SIPA1L1: variants seen among roughly 807,000 people sequenced by gnomAD.
The protein encoded by SIPA1L1 is signal-induced proliferation-associated 1-like protein 1.
SIPA1L1 carries 26 observed loss-of-function variants against 162.7 expected under a neutral mutation model. That is an observed-to-expected ratio of 0.16 (90% CI 0.12 to 0.22). SIPA1L1 has a LOEUF of 0.22. SIPA1L1 is among the 10% of genes least tolerant of loss of function. The pLI, the probability that SIPA1L1 is intolerant of heterozygous loss-of-function variation, is 1.00. For missense variants in SIPA1L1, 1,874 were observed against 2,241.0 expected, an observed-to-expected ratio of 0.84 and a Z score of 3.31; for synonymous variants, 829 against 837.4, an observed-to-expected ratio of 0.99 and a Z score of 0.17.
chr14:71,441,696 C>T (rs956187865), intron 2 of SIPA1L1, among the ~76,000 whole-genome samples: 7 of 152,134 alleles, frequency 4.6e-5, no homozygotes, highest in Non-Finnish European at 8.8e-5. Flanking sequence ...TGTTCGTATA[C>T]AGTAACTACT....
chr14:71,321,584 TGGGAAATGGAGACGAACAGCTCG>T (rs1453804055), intron 2 of SIPA1L1: 29 of 152,304 alleles, frequency 1.9e-4, no homozygotes, highest in Non-Finnish European at 3.7e-4. Flanking sequence ...GGTTGAGTTG[TGGGAAATGGAGACGAACAGCTCG>T]GTGCCCGAGG....
At chr14:71,517,710 T>A (rs1179020401) in intron 3 of SIPA1L1, among the ~76,000 whole-genome samples, 1 of 152,224 alleles carries the variant, frequency 6.6e-6, no homozygotes, top group Non-Finnish European at 1.5e-5. Flanking sequence ...TTTTTAAATT[T>A]AGTCAAGCTA....
intron 2 of SIPA1L1, among the ~76,000 whole-genome samples, chr14:71,426,203 G>T (rs868619322): frequency 1.5e-4 from 23 of 152,050 alleles, no homozygotes; most frequent in African/African-American, 5.3e-4. Context: ...ACCATTCTCT[G>T]TCTTTTTTGA....
chr14:71,449,421 G>A (rs1480921162), intron 2 of SIPA1L1, among the ~76,000 whole-genome samples: 1 of 152,186 alleles, frequency 6.6e-6, no homozygotes, highest in Non-Finnish European at 1.5e-5. Flanking sequence ...TCTACCTGGT[G>A]AGTAATTTAC....
intron 2 of SIPA1L1, among the ~76,000 whole-genome samples, chr14:71,325,647 A>G (rs2033705017): frequency 6.6e-6 from 1 of 152,212 alleles, no homozygotes; most frequent in Non-Finnish European, 1.5e-5. Flanking sequence ...AGATGACACC[A>G]AAATGACATG....
intron 2 of SIPA1L1, among the ~76,000 whole-genome samples, chr14:71,436,400 A>G (rs1369417726): frequency 6.6e-6 from 1 of 152,164 alleles, no homozygotes; most frequent in African/African-American, 2.4e-5. Context: ...GTGGGGTTTT[A>G]TGTTTAAGAC....
chr14:71,556,504 C>T (rs1178896664), intron 4 of SIPA1L1, among the ~76,000 whole-genome samples: 1 of 152,200 alleles, frequency 6.6e-6, no homozygotes, highest in African/African-American at 2.4e-5. Context: ...TCTGACTGAC[C>T]AACTTTAAGT....
chr14:71,435,750 T>C (rs1267931767), intron 2 of SIPA1L1, among the ~76,000 whole-genome samples: 9 of 152,210 alleles, frequency 5.9e-5, no homozygotes, highest in Non-Finnish European at 1.3e-4. Context: ...GGAATCGCCA[T>C]GCTGTCCTCC....
chr14:71,450,481 A>G (rs2045732818), intron 2 of SIPA1L1, among the ~76,000 whole-genome samples: 1 of 152,232 alleles, frequency 6.6e-6, no homozygotes, highest in South Asian at 2.1e-4. Flanking sequence ...TAGTTAATGA[A>G]TAAAAAAGAC....
chr14:71,320,795 T>G (rs1430207143), intron 1 of SIPA1L1, among the ~76,000 whole-genome samples: 1 of 151,426 alleles, frequency 6.6e-6, no homozygotes, highest in Non-Finnish European at 1.5e-5. Context: ...CAGTTCTTTC[T>G]GCTGGCGGGC....
In SIPA1L1 at chr14:71,709,572, C is replaced by T; in HGVS notation, c.4116C>T (p.Ser1372=). ...ACCGGAAAACAGAGTCTTCCCTGAG[C>T]TTAGACATACACAGCAAGAGCCAAG... ...GLDRKTESSL[S]LDIHSKSQAG... is the part of the protein sequence containing the mutation. Residue 1372 remains serine (S), a synonymous_variant, in exon 17 of 24, where the codon AGC becomes AGT. Coordinates refer to ENST00000381232, the MANE Select transcript of SIPA1L1 (RefSeq NM_001386936.1). The T allele has an allele frequency of 6.2e-7, 1 of 1,614,172 alleles. No individual in the cohort carries two copies. The highest frequency in any genetic ancestry group is 8.5e-7 in the Non-Finnish European group (1 of 1,180,014).
chr14:71,332,479 C>T (rs1256110543), intron 2 of SIPA1L1, among the ~76,000 whole-genome samples: 1 of 152,076 alleles, frequency 6.6e-6, no homozygotes, highest in Non-Finnish European at 1.5e-5. Context: ...AAACAGTCAA[C>T]TGCATTTTGG....
chr14:71,365,724 TTAAG>T (rs1444633028), intron 2 of SIPA1L1, among the ~76,000 whole-genome samples: 11 of 152,004 alleles, frequency 7.2e-5, no homozygotes, highest in Admixed American at 6.5e-5. Flanking sequence ...GGCAAGGCTA[TTAAG>T]TATTTTTTTT....
chr14:71,580,210 G>C (rs947721999), intron 4 of SIPA1L1, among the ~76,000 whole-genome samples: 3 of 152,190 alleles, frequency 2.0e-5, no homozygotes, highest in African/African-American at 7.2e-5. Flanking sequence ...TTGAGCCACT[G>C]ATACCACGTA....
At chr14:71,632,988 A>T (rs1208175818) in intron 7 of SIPA1L1, among the ~76,000 whole-genome samples, 2 of 152,152 alleles carry the variant, frequency 1.3e-5, no homozygotes, top group Non-Finnish European at 1.5e-5. Context: ...GGAAAATCTC[A>T]ACTTAAGGGA....
At chr14:71,431,359 A>T (rs1213885841) in intron 2 of SIPA1L1, among the ~76,000 whole-genome samples, 1 of 152,154 alleles carries the variant, frequency 6.6e-6, no homozygotes, top group Non-Finnish European at 1.5e-5. Context: ...CCTAAAGATA[A>T]CTCACAGAAG....
intron 4 of SIPA1L1, chr14:71,575,015 C>T (rs1267745958): frequency 6.6e-6 from 1 of 152,122 alleles, no homozygotes; most frequent in African/African-American, 2.4e-5. Flanking sequence ...TTTCTGTTGA[C>T]AAGTTGCCAG....
In SIPA1L1 at chr14:71,661,361, G is replaced by A; in HGVS notation, c.2149G>A (p.Glu717Lys). Residue 717 changes from glutamate to lysine, a missense_variant, in exon 10 of 24, where the codon GAG (glutamate) becomes AAG (lysine). Coordinates refer to ENST00000381232, the MANE Select transcript of SIPA1L1 (RefSeq NM_001386936.1). ...GNDIVTIVFQ[E>K]PGAQPFSPKN... ...TGATATCGTAACAATTGTTTTCCAA[G>A]AGCCTGGAGCACAGCCATTCAGCCC... The A allele has an allele frequency of 6.2e-7, 1 of 1,613,934 alleles. No homozygotes were observed. The highest frequency in any genetic ancestry group is 8.5e-7 in the Non-Finnish European group (1 of 1,179,906).
chr14:71,623,922 T>C, intron 6 of SIPA1L1, 126 bp from the exon 7 acceptor site: 1 of 694,982 alleles, frequency 1.4e-6, no homozygotes, highest in South Asian at 2.3e-5. Flanking sequence ...CCTCACTGGC[T>C]TTACCCATCA....
Sources: allele counts gnomAD v4.1 joint callset (sites outside exome capture counted in the v4.1 genomes callset), GRCh38; gene constraint gnomAD v4.1.1; transcripts MANE v1.5; gene names NCBI Gene and HGNC (gene_info 2026-07-23, HGNC 2026-07-21).